Variants in TBC1D2B observed in about 807,000 individuals in gnomAD.
The protein encoded by TBC1D2B is TBC1 domain family, member 2B.
A neutral mutation model predicts 100.8 loss-of-function variants in TBC1D2B; 64 were observed. The observed-to-expected ratio is 0.64, with a 90% CI of 0.52 to 0.78. The LOEUF is 0.78. Ranked by LOEUF, TBC1D2B falls within the 30% of genes least tolerant of loss-of-function variation. The probability of loss-of-function intolerance (pLI) is 0.00; values close to 1 mark genes in which losing one functional copy is unlikely to be tolerated. For missense variants in TBC1D2B, 1,052 were observed against 1,218.4 expected (o/e 0.86, Z 2.03); for synonymous variants, 480 against 479.7 (o/e 1.00, Z -0.01).
At chr15:78,070,637 G>A (rs16969464) in intron 1 of TBC1D2B, among the ~76,000 whole-genome samples, 10,209 of 152,226 alleles carry the variant, frequency 0.067, 434 homozygotes, top group East Asian at 0.24. Flanking sequence ...ACAAGGCAAG[G>A]GCAGTTTTAA....
chr15:78,066,071 T>C (rs1208063152), intron 1 of TBC1D2B: 2 of 470,842 alleles, frequency 4.2e-6, no homozygotes, highest in Admixed American at 2.4e-5. Flanking sequence ...CTCCCAGAAA[T>C]ACCGAAAGAT....
At chr15:78,003,188 T>C (rs2071962481) in intron 11 of TBC1D2B, 117 bp downstream of exon 11, 1 of 854,958 alleles carries the variant, frequency 1.2e-6, no homozygotes, top group Non-Finnish European at 1.9e-6. Context: ...CTGAGATCCC[T>C]TGGGCACCAT....
chr15:78,023,962 G>A (rs1414731181), intron 6 of TBC1D2B, among the ~76,000 whole-genome samples, 194 bp downstream of exon 6: 1 of 152,180 alleles, frequency 6.6e-6, no homozygotes, highest in Middle Eastern at 3.2e-3. Flanking sequence ...GCAACAGCAA[G>A]AGTTTCCTTT....
chr15:78,027,955 T>C (rs553087025), intron 4 of TBC1D2B, among the ~76,000 whole-genome samples: 1 of 151,850 alleles, frequency 6.6e-6, no homozygotes, highest in East Asian at 1.9e-4. Flanking sequence ...CAGGATCCTA[T>C]GGAGCACAGG....
chr15:78,029,593 G>A (rs2072758272), intron 4 of TBC1D2B, among the ~76,000 whole-genome samples: 1 of 152,226 alleles, frequency 6.6e-6, no homozygotes, highest in African/African-American at 2.4e-5. Flanking sequence ...GACAGTGGGT[G>A]CAGGGAGGTG....
intron 3 of TBC1D2B, among the ~76,000 whole-genome samples, chr15:78,040,249 T>G (rs1301655828): frequency 6.6e-6 from 1 of 152,168 alleles, no homozygotes; most frequent in East Asian, 1.9e-4. Context: ...TTTGGACTGT[T>G]GAAAAGTTAA....
At chr15:78,061,422 A>C (rs112446652) in intron 1 of TBC1D2B, among the ~76,000 whole-genome samples, 1,854 of 151,794 alleles carry the variant, frequency 0.012, 19 homozygotes, top group East Asian at 0.08. Flanking sequence ...AAAGTACAAA[A>C]ATTAGCCAGG....
rs1318961596 is a variant in TBC1D2B, at chr15:78,077,391, A to T, written c.262T>A (p.Cys88Ser). Residue 88 changes from cysteine (C) to serine (S), a missense_variant, in exon 1 of 13, where the codon TGC (cysteine) becomes AGC (serine). Physicochemically the swap from Cys to Ser is moderately radical, Grantham distance 112. Around this residue, in one of 4 missense-constraint regions of TBC1D2B, gnomAD observed 627 missense variants for 646.1 expected, o/e 0.97. Coordinates refer to ENST00000300584, the MANE Select transcript of TBC1D2B (RefSeq NM_144572.2). The stretch of plus-strand genomic sequence containing the variant: ...TCGTCGGGGCCCTGGTAGCTGAAGC[A>T]GGCGTCCGCGATGTCCAAGTGGCCG... ...PLGHLDIADACFSYQGPDEAA... is the reference protein window; with the variant it reads ...PLGHLDIADASFSYQGPDEAA... 1 of 1,544,612 alleles carries T rather than the reference A, an allele frequency of 6.5e-7. No individual in the cohort carries two copies. The highest frequency in any genetic ancestry group is 1.4e-5 in the African/African-American group (1 of 72,022).
chr15:78,024,162 C>A lies in TBC1D2B; in HGVS notation c.1464G>T (p.Arg488Ser), dbSNP rs1347751914. 3.1e-6 allele frequency: 5 copies of A among 1,610,600 alleles called. No homozygotes were observed. The Admixed American group carries it at 8.3e-5, about 27-fold the overall frequency. The change falls in exon 6 of 13, where the codon AGG becomes AGT. Residue 488 changes from arginine to serine, a missense_variant. Physicochemically the swap from Arg to Ser is moderately radical, Grantham distance 110. Transcript: ENST00000300584. ...GCCCCTGCCCCACTCTTACTTTCAG[C>A]CTGTCCAGTTCCAGCTGGTCCCTGG... ...PVARDQLELD[R>S]LKDNLQGYKT...
chr15:78,016,933 T>A (rs1291193690), intron 7 of TBC1D2B, 194 bp from the exon 8 acceptor site: 1 of 526,104 alleles, frequency 1.9e-6, no homozygotes, highest in East Asian at 3.5e-5. Flanking sequence ...AGTGGGTTCC[T>A]CTCTTCCTTA....
intron 1 of TBC1D2B, among the ~76,000 whole-genome samples, chr15:78,067,212 G>T (rs1211793945): frequency 1.3e-5 from 2 of 152,186 alleles, no homozygotes; most frequent in African/African-American, 4.8e-5. Flanking sequence ...ATCACACATG[G>T]GAAGGGGGCT....
intron 12 of TBC1D2B, 100 bp downstream of exon 12, chr15:78,001,518 GA>G: frequency 6.5e-6 from 9 of 1,386,640 alleles, no homozygotes; most frequent in Non-Finnish European, 8.6e-6. Context: ...GTACACCGGG[GA>G]TGGCTCTGAG....
chr15:78,063,503 G>A (rs1281654847), intron 1 of TBC1D2B, among the ~76,000 whole-genome samples: 2 of 152,172 alleles, frequency 1.3e-5, no homozygotes, highest in Non-Finnish European at 2.9e-5. Context: ...AAGCCTCTAG[G>A]TTGGCTTCAG....
At chr15:78,068,661 C>T (rs1423027691) in intron 1 of TBC1D2B, among the ~76,000 whole-genome samples, 3 of 152,180 alleles carry the variant, frequency 2.0e-5, no homozygotes, top group Non-Finnish European at 2.9e-5. Context: ...TGGACAATCA[C>T]GAAAGCCACA....
At chr15:78,059,338 G>A (rs560125098) in intron 1 of TBC1D2B, among the ~76,000 whole-genome samples, 3 of 152,312 alleles carry the variant, frequency 2.0e-5, no homozygotes, top group Admixed American at 2.0e-4. Flanking sequence ...ATCCTCTCAT[G>A]TTCAATTGTT....
chr15:78,013,343 T>C, intron 8 of TBC1D2B, 26 bp from the exon 9 acceptor site: 1 of 1,541,254 alleles, frequency 6.5e-7, no homozygotes, highest in Non-Finnish European at 8.7e-7. Flanking sequence ...AAAGGAAAAA[T>C]TAAAATGACA....
intron 3 of TBC1D2B, among the ~76,000 whole-genome samples, chr15:78,034,985 G>T (rs1459613338): frequency 6.6e-6 from 1 of 150,918 alleles, no homozygotes; most frequent in African/African-American, 2.4e-5. Flanking sequence ...TGGTTTAAAT[G>T]GAGGCGTTTT....
intron 10 of TBC1D2B, among the ~76,000 whole-genome samples, chr15:78,007,533 C>T (rs1169588874): frequency 2.0e-5 from 3 of 152,250 alleles, no homozygotes; most frequent in South Asian, 2.1e-4. Context: ...GGAGCACAGG[C>T]GGGAACAGGA....
intron 6 of TBC1D2B, among the ~76,000 whole-genome samples, chr15:78,018,258 A>T (rs1050791755): frequency 2.6e-5 from 4 of 152,234 alleles, no homozygotes; most frequent in African/African-American, 9.6e-5. Context: ...TCCTAAATCT[A>T]TGCAAATATT....
Sources: allele counts gnomAD v4.1 joint callset (sites outside exome capture counted in the v4.1 genomes callset), GRCh38; gene constraint gnomAD v4.1.1; regional missense constraint gnomAD v4.1.1; transcripts MANE v1.5; gene names NCBI Gene and HGNC (gene_info 2026-07-23, HGNC 2026-07-21).